CSMD1: variants seen among roughly 807,000 people sequenced by gnomAD.
CSMD1 encodes CUB and Sushi multiple domains 1, also known as CUB and sushi domain-containing protein 1.
Under a neutral mutation model 417.5 loss-of-function variants are expected in CSMD1, and 213 were observed. The ratio of observed to expected loss-of-function variants is 0.51; its 90% CI spans 0.46 to 0.57. CSMD1 has a LOEUF of 0.57. Ranked by LOEUF, CSMD1 falls within the 20% of genes least tolerant of loss-of-function variation. CSMD1 has a pLI of 0.00. For synonymous variants in CSMD1, 2,862 were observed against 1,736.8 expected (o/e 1.65, Z -16.11); for missense variants, 6,923 against 4,529.7 (o/e 1.53, Z -15.17).
chr8:3,676,977 G>A (rs534085206), intron 7 of CSMD1, among the ~76,000 whole-genome samples: 9 of 152,162 alleles, frequency 5.9e-5, no homozygotes, highest in African/African-American at 2.2e-4. Flanking sequence ...CACAGGGAGG[G>A]GAACATCATG....
chr8:4,197,124 G>A (rs940798213), intron 3 of CSMD1, among the ~76,000 whole-genome samples: 1 of 152,140 alleles, frequency 6.6e-6, no homozygotes, highest in African/African-American at 2.4e-5. Flanking sequence ...TCCTCAAGCA[G>A]TTCCCAGACA....
Position 4,108,726 on chromosome 8 carries a change from C to G in CSMD1, c.416-76627G>C, listed in dbSNP as rs1022555722. 2.6e-5 allele frequency among the ~76,000 whole-genome samples: 4 copies of G among 151,694 alleles called. No individual in the cohort carries two copies. The East Asian group carries it at 5.8e-4, about 22-fold the overall frequency. On this transcript the variant is annotated intron_variant, in intron 3 of 69. Coordinates refer to ENST00000635120, the MANE Select transcript of CSMD1 (RefSeq NM_033225.6). ...ATACTTAAAATAAACGAAGTGTATG[C>G]ATACCGACTTTTGTTACATTTAGTT...
intron 3 of CSMD1, among the ~76,000 whole-genome samples, chr8:4,376,589 T>A (rs956636696): frequency 2.0e-5 from 3 of 151,762 alleles, no homozygotes; most frequent in African/African-American, 7.3e-5. Context: ...CAACATTGAG[T>A]TAGTCTGACA....
intron 1 of CSMD1, among the ~76,000 whole-genome samples, chr8:4,789,221 A>G (rs1797566206): frequency 6.6e-6 from 1 of 152,230 alleles, no homozygotes. Context: ...TAGTTAATAT[A>G]AAGAAGCTAT....
At chr8:3,436,394 A>C (rs766569703) in intron 12 of CSMD1, among the ~76,000 whole-genome samples, 8 of 152,188 alleles carry the variant, frequency 5.3e-5, no homozygotes, top group Non-Finnish European at 1.2e-4. Flanking sequence ...GTCTGATTAG[A>C]ATGTAAAATC....
At chr8:4,312,423 G>GTACGCATATATATATA (rs1563435221) in intron 3 of CSMD1, among the ~76,000 whole-genome samples, 1 of 105,128 alleles carries the variant, frequency 9.5e-6, no homozygotes, top group African/African-American at 7.8e-5. Context: ...ATATATATGC[G>GTACGCATATATATATA]CGTATATATA....
intron 26 of CSMD1, among the ~76,000 whole-genome samples, chr8:3,260,543 G>T (rs1222660082): frequency 6.6e-6 from 1 of 151,988 alleles, no homozygotes; most frequent in Non-Finnish European, 1.5e-5. Flanking sequence ...GAAAATGTCA[G>T]AGTGCTTCAA....
intron 7 of CSMD1, among the ~76,000 whole-genome samples, chr8:3,640,560 T>C (rs1246643574): frequency 6.6e-6 from 1 of 152,242 alleles, no homozygotes; most frequent in African/African-American, 2.4e-5. Flanking sequence ...TCCACTGGAT[T>C]GGACAAGAGA....
chr8:4,726,617 GA>G lies in CSMD1; in HGVS notation c.86-89060del, dbSNP rs546869026. ...CTCCCATCAGCTTCTGCAAAAGATA[GA>G]AACCCTGAATCATTATTTCAAGGTA... On this transcript the variant is annotated intron_variant, in intron 1 of 69. Transcript: ENST00000635120. Among the ~76,000 whole-genome samples the G allele has an allele frequency of 1.9e-4, 29 of 152,246 alleles. No homozygotes were observed. In the South Asian group the frequency reaches 5.8e-3, roughly 30 times the overall value.
intron 17 of CSMD1, among the ~76,000 whole-genome samples, chr8:3,395,848 G>C (rs115631799): frequency 0.038 from 5,702 of 152,046 alleles, 364 homozygotes; most frequent in African/African-American, 0.13. Flanking sequence ...CATAATTTTA[G>C]TAATATATCC....
intron 12 of CSMD1, among the ~76,000 whole-genome samples, chr8:3,457,566 C>G (rs57239113): frequency 6.6e-6 from 1 of 152,076 alleles, no homozygotes; most frequent in African/African-American, 2.4e-5. Context: ...GATATGTACG[C>G]GGTTTAAAAA....
intron 4 of CSMD1, among the ~76,000 whole-genome samples, chr8:4,028,371 C>G (rs536666986): frequency 5.3e-5 from 8 of 152,146 alleles, no homozygotes; most frequent in African/African-American, 1.9e-4. Flanking sequence ...AAAGTAGTGC[C>G]TGGCTTACAG....
chr8:3,745,232 T>C (rs1193125881), intron 6 of CSMD1, among the ~76,000 whole-genome samples: 2 of 152,204 alleles, frequency 1.3e-5, no homozygotes, highest in Admixed American at 6.5e-5. Flanking sequence ...GACTATGCCA[T>C]GGTCAAAAGT....
intron 5 of CSMD1, among the ~76,000 whole-genome samples, chr8:3,939,732 C>G (rs1810750058): frequency 6.6e-6 from 1 of 152,036 alleles, no homozygotes; most frequent in African/African-American, 2.4e-5. Context: ...TTGGATGAAC[C>G]TGGAGACCAT....
intron 5 of CSMD1, among the ~76,000 whole-genome samples, chr8:3,907,084 C>T (rs1184715660): frequency 6.6e-6 from 1 of 152,140 alleles, no homozygotes; most frequent in African/African-American, 2.4e-5. Flanking sequence ...TAATCACATC[C>T]CATGACTCAA....
intron 2 of CSMD1, among the ~76,000 whole-genome samples, chr8:4,536,813 T>A (rs1173747218): frequency 6.6e-6 from 1 of 152,240 alleles, no homozygotes; most frequent in Non-Finnish European, 1.5e-5. Context: ...TTTATTAACA[T>A]GCGGCCAAAT....
intron 3 of CSMD1, among the ~76,000 whole-genome samples, chr8:4,332,840 A>T (rs1005951991): frequency 6.6e-6 from 1 of 151,280 alleles, no homozygotes; most frequent in Admixed American, 6.6e-5. Flanking sequence ...TTAGCTGATG[A>T]AATGTTTTTT....
chr8:3,875,344 G>C (rs115496771), intron 5 of CSMD1, among the ~76,000 whole-genome samples: 2,048 of 152,318 alleles, frequency 0.013, 33 homozygotes, highest in African/African-American at 0.045. Flanking sequence ...AGGAGAATTA[G>C]ATACTAAGAA....
chr8:4,783,842 G>C (rs117796071), intron 1 of CSMD1, among the ~76,000 whole-genome samples: 1 of 152,144 alleles, frequency 6.6e-6, no homozygotes, highest in Non-Finnish European at 1.5e-5. Flanking sequence ...TCTTATATTG[G>C]TGATATCACT....
Sources: allele counts gnomAD v4.1 joint callset (sites outside exome capture counted in the v4.1 genomes callset), GRCh38; gene constraint gnomAD v4.1.1; transcripts MANE v1.5; gene names NCBI Gene and HGNC (gene_info 2026-07-23, HGNC 2026-07-21).